The following CHMP1A variants were observed in gnomAD, a reference collection of about 807,000 sequenced individuals.
CHMP1A encodes the protein charged multivesicular body protein 1A.
A neutral mutation model predicts 27.0 loss-of-function variants in CHMP1A; 17 were observed. The observed-to-expected ratio is 0.63, with a 90% confidence interval of 0.43 to 0.95. CHMP1A has a LOEUF of 0.95. Ranked by LOEUF, CHMP1A falls within the 40% of genes least tolerant of loss-of-function variation. The pLI, the probability that CHMP1A is intolerant of heterozygous loss-of-function variation, is 0.00. For missense variants in CHMP1A, 275 were observed against 264.0 expected (o/e 1.04, Z -0.29); for synonymous variants, 131 against 107.5 (o/e 1.22, Z -1.35).
intron 5 of CHMP1A, 194 bp downstream of exon 5, chr16:89,647,009 G>C (rs749468139): frequency 6.6e-7 from 1 of 1,505,942 alleles, no homozygotes; most frequent in South Asian, 1.2e-5. Context: ...GCCTGCAGGA[G>C]GCCCCCGCCG....
Position 89,653,888 on chromosome 16 carries a change from G to T in CHMP1A, c.27+16C>A. 1 of 1,612,764 alleles carries T rather than the reference G, an allele frequency of 6.2e-7. No individual in the cohort carries two copies. Among genetic ancestry groups the T allele is most frequent in the Non-Finnish European group, 8.5e-7 (1 of 1,178,950 alleles). On this transcript the variant is annotated intron_variant, in intron 2 of 6. Transcript: ENST00000397901. ...CACCAGAACAGGGCTGGGGTGAACG[G>T]CCATTCGGTACATACCTTCAACTGG...
In CHMP1A at chr16:89,649,369, T is replaced by G. The variant is rs756386590; in HGVS notation, c.234A>C (p.Thr78=). Residue 78 remains threonine (T), a synonymous_variant, in exon 4 of 7, where the codon ACA becomes ACC. Transcript: ENST00000397901. Reference sequence around the variant, plus strand: ...CACTCACCCCCTTCATAGTCACAGCTGTCTGCACCTTGGAGGCCACTGCGT... The same window carrying G: ...CACTCACCCCCTTCATAGTCACAGCGGTCTGCACCTTGGAGGCCACTGCGT... ...RVDAVASKVQ[T]AVTMKGVTKN... 6.2e-7 allele frequency: 1 copy of G among 1,613,390 alleles called. No individual in the cohort carries two copies. Among genetic ancestry groups the G allele is most frequent in the South Asian group, 1.1e-5 (1 of 91,076 alleles).
At position 89,649,500 on chromosome 16, in the gene CHMP1A, G is replaced by A. The variant is rs765715151; in HGVS notation, c.106-3C>T. ...TCTACATTTTTCTGCAGAAGGGCCT[G>A]AAACCCGCGGGGGAAAGCAGCTGGA... On this transcript the variant is annotated splice_polypyrimidine_tract_variant and splice_region_variant and intron_variant, in intron 3 of 6. Coordinates refer to ENST00000397901, the MANE Select transcript of CHMP1A (RefSeq NM_002768.5). The A allele has an allele frequency of 6.2e-7, 1 of 1,613,606 alleles. No homozygotes were observed. Among genetic ancestry groups the A allele is most frequent in the Admixed American group, 1.7e-5 (1 of 60,004 alleles).
At chr16:89,647,652 C>T (rs2059787837) in intron 4 of CHMP1A, among the ~76,000 whole-genome samples, 1 of 50,952 alleles carries the variant, frequency 2.0e-5, no homozygotes, top group African/African-American at 5.6e-5. Flanking sequence ...ACGTGGGGAC[C>T]CAGCGCGGGG....
Position 89,646,551 on chromosome 16 carries a change from C to T in CHMP1A, c.545G>A (p.Ser182Asn), listed in dbSNP as rs549190085. ...ASAVGESSVRSQEDQLSRRLA... is the reference protein window; with the variant it reads ...ASAVGESSVRNQEDQLSRRLA... ...CCTCCGTGACAGCTGGTCCTCCTGG[C>T]TGCGCACAGAGCTCTCGCCCACGGC... Residue 182 changes from serine (S) to asparagine (N), a missense_variant, in exon 6 of 7, where the codon AGC becomes AAC. Transcript: ENST00000397901. The T allele has an allele frequency of 2.5e-6, 4 of 1,589,432 alleles. No individual in the cohort carries two copies. Among genetic ancestry groups the T allele is most frequent in the African/African-American group, 1.3e-5 (1 of 74,514 alleles).
At chr16:89,655,145 G>A (rs1402695396) in intron 1 of CHMP1A, among the ~76,000 whole-genome samples, 2 of 152,006 alleles carry the variant, frequency 1.3e-5, no homozygotes, top group Non-Finnish European at 2.9e-5. Context: ...GAGATCTCCC[G>A]GGGTTCCAGA....
At chr16:89,652,892 A>T (rs573682320) in intron 2 of CHMP1A, among the ~76,000 whole-genome samples, 1 of 152,308 alleles carries the variant, frequency 6.6e-6, no homozygotes, top group Non-Finnish European at 1.5e-5. Context: ...GGATTACCGG[A>T]AGCTGCAACC....
Position 89,646,649 on chromosome 16 carries a change from G to A in CHMP1A, c.447C>T (p.Leu149=), listed in dbSNP as rs372460040. 8.7e-6 allele frequency: 14 copies of A among 1,610,832 alleles called. No individual in the cohort carries two copies. The highest frequency in any genetic ancestry group is 8.4e-5 in the Admixed American group (5 of 59,716). The change falls in exon 6 of 7, where the codon CTC becomes CTT. Residue 149 remains leucine (L), a synonymous_variant. Transcript: ENST00000397901. The part of the protein sequence containing the change: ...LTTPQEQVDS[L]IMQIAEENGL... ...CATTCTCCTCGGCGATCTGCATGAT[G>A]AGGCTGTCCACCTGCTCCTGCGGCG...
intron 2 of CHMP1A, among the ~76,000 whole-genome samples, chr16:89,653,020 CTTTTTTTTT>C (rs746886149): frequency 1.2e-5 from 1 of 82,198 alleles, no homozygotes; most frequent in African/African-American, 4.6e-5. Context: ...TTTTTCTTTT[CTTTTTTTTT>C]TTTTTTTTTT....
At chr16:89,653,788 G>A (rs990188096) in intron 2 of CHMP1A, 116 bp downstream of exon 2, 205 of 1,053,856 alleles carry the variant, frequency 1.9e-4, no homozygotes, top group Middle Eastern at 6.3e-4. Flanking sequence ...CCTGTGTGGC[G>A]GTCACTCAAC....
At chr16:89,648,882 G>C (rs191411456) in intron 4 of CHMP1A, among the ~76,000 whole-genome samples, 1 of 149,972 alleles carries the variant, frequency 6.7e-6, no homozygotes, top group Non-Finnish European at 1.5e-5. Flanking sequence ...AAGATCAGCC[G>C]GGCATGGTGG....
chr16:89,653,668 G>T (rs2059842457), intron 2 of CHMP1A, among the ~76,000 whole-genome samples: 1 of 150,392 alleles, frequency 6.6e-6, no homozygotes, highest in African/African-American at 2.4e-5. Flanking sequence ...TTCTTTCATG[G>T]CTTTCATGGA....
intron 2 of CHMP1A, 61 bp from the exon 3 acceptor site, chr16:89,651,707 C>G: frequency 5.9e-6 from 9 of 1,530,892 alleles, no homozygotes; most frequent in Non-Finnish European, 8.1e-6. Flanking sequence ...AGGCCCGGCT[C>G]TCCACACCCC....
intron 6 of CHMP1A, 66 bp downstream of exon 6, chr16:89,646,461 C>G: frequency 4.1e-6 from 6 of 1,457,394 alleles, no homozygotes; most frequent in Non-Finnish European, 5.6e-6. Context: ...ACCCACAACC[C>G]TCTCTCCCTT....
intron 1 of CHMP1A, 129 bp from the exon 2 acceptor site, chr16:89,654,052 G>C (rs1378249127): frequency 3.1e-6 from 3 of 967,854 alleles, no homozygotes; most frequent in African/African-American, 1.6e-5. Flanking sequence ...CACCTGCCTG[G>C]GGCCTTCGGG....
chr16:89,652,173 C>T (rs2059829631), intron 2 of CHMP1A, among the ~76,000 whole-genome samples: 1 of 152,244 alleles, frequency 6.6e-6, no homozygotes, highest in Non-Finnish European at 1.5e-5. Context: ...GCCAGCACCA[C>T]ACGGAAACAG....
At chr16:89,653,458 A>T (rs1447826925) in intron 2 of CHMP1A, among the ~76,000 whole-genome samples, 1 of 150,576 alleles carries the variant, frequency 6.6e-6, no homozygotes, top group African/African-American at 2.4e-5. Flanking sequence ...GTCTCTATTA[A>T]AAATGTAAAA....
chr16:89,651,983 T>C (rs532978953), intron 2 of CHMP1A, among the ~76,000 whole-genome samples: 2 of 152,356 alleles, frequency 1.3e-5, no homozygotes, highest in Admixed American at 6.5e-5. Flanking sequence ...TCTCGGCTCC[T>C]GCTTATGGAT....
intron 4 of CHMP1A, 67 bp from the exon 5 acceptor site, chr16:89,647,398 G>C: frequency 1.3e-6 from 2 of 1,487,522 alleles, no homozygotes; most frequent in Non-Finnish European, 1.8e-6. Context: ...ACCAGGGACG[G>C]GTCCCCTGGA....
Sources: gnomAD v4.1 joint callset for allele counts (sites outside exome capture counted in the v4.1 genomes callset) on GRCh38, gnomAD v4.1.1 for gene constraint, MANE v1.5 for transcripts, NCBI Gene and HGNC (gene_info 2026-07-23, HGNC 2026-07-21) for gene names.